TMEM266: variants seen among roughly 807,000 people sequenced by gnomAD.
TMEM266 encodes the protein Hv1 related protein 1.
A neutral mutation model predicts 50.5 loss-of-function variants in TMEM266; 33 were observed. The ratio of observed to expected loss-of-function variants is 0.65; its 90% CI spans 0.50 to 0.87. The LOEUF is 0.87. Ranked by LOEUF, TMEM266 falls within the 40% of genes least tolerant of loss-of-function variation. The pLI, the probability that TMEM266 is intolerant of heterozygous loss-of-function variation, is 0.00. For missense variants in TMEM266, 655 were observed against 695.1 expected, an observed-to-expected ratio of 0.94 and a Z score of 0.65; for synonymous variants, 310 against 292.3, an observed-to-expected ratio of 1.06 and a Z score of -0.62.
intron 8 of TMEM266, among the ~76,000 whole-genome samples, chr15:76,177,171 T>C (rs1236067307): frequency 6.6e-6 from 1 of 152,212 alleles, no homozygotes; most frequent in Non-Finnish European, 1.5e-5. Context: ...ACTGCCATGG[T>C]CAGTGCTCCT....
rs957805544 is a variant in TMEM266 at position 76,163,514 on chromosome 15, C to T, written c.456+3346C>T. Among the ~76,000 whole-genome samples the T allele has an allele frequency of 2.6e-5, 4 of 152,336 alleles. No individual in the cohort carries two copies. The East Asian group carries it at 7.7e-4, about 29-fold the overall frequency. On this transcript the variant is annotated intron_variant, in intron 5 of 10. Coordinates refer to ENST00000388942, the MANE Select transcript of TMEM266 (RefSeq NM_152335.3). ...CAGGGTCACTGCGCTTCACGTGGCCCTGCAGCACCAAGAATATGCAGGGCC... is the reference window on the plus strand; with the variant it reads ...CAGGGTCACTGCGCTTCACGTGGCCTTGCAGCACCAAGAATATGCAGGGCC...
chr15:76,094,862 T>C (rs987149359), intron 1 of TMEM266, among the ~76,000 whole-genome samples: 1 of 152,052 alleles, frequency 6.6e-6, no homozygotes, highest in Non-Finnish European at 1.5e-5. Context: ...CTAGGTATTT[T>C]ATTCTCTTTT....
At chr15:76,178,043 G>T (rs2038322573) in intron 8 of TMEM266, among the ~76,000 whole-genome samples, 1 of 152,204 alleles carries the variant, frequency 6.6e-6, no homozygotes, top group South Asian at 2.1e-4. Context: ...GTGCCCCCGG[G>T]GTTCGGGGCC....
At chr15:76,086,053 G>GA (rs567541549) in intron 1 of TMEM266, among the ~76,000 whole-genome samples, 38,869 of 110,300 alleles carry the variant, frequency 0.35, 5,275 homozygotes, top group African/African-American at 0.41. Context: ...CATTTCAAAA[G>GA]AAAAAAAAAA....
chr15:76,108,232 G>GTGGC (rs1380837771), intron 1 of TMEM266, among the ~76,000 whole-genome samples: 1 of 152,236 alleles, frequency 6.6e-6, no homozygotes, highest in East Asian at 1.9e-4. Flanking sequence ...CCTGCAGCCA[G>GTGGC]TGGCTGCCTG....
At chr15:76,117,429 G>T (rs544759249) in intron 1 of TMEM266, among the ~76,000 whole-genome samples, 21 of 152,064 alleles carry the variant, frequency 1.4e-4, no homozygotes, top group Non-Finnish European at 2.4e-4. Flanking sequence ...ACTGGGCTCC[G>T]ACTAAGAGAC....
rs146269605 is a variant in TMEM266, at chr15:76,179,936, A to G, written c.768+4262A>G. ...ACCACTGCACTCCAGCCTGGGCCACAGAGCAAGACTGTCTCTAAAACAAAA... is the reference window on the plus strand; with the variant it reads ...ACCACTGCACTCCAGCCTGGGCCACGGAGCAAGACTGTCTCTAAAACAAAA... On this transcript the variant is annotated intron_variant, in intron 8 of 10. Transcript: ENST00000388942. Among the ~76,000 whole-genome samples the G allele has an allele frequency of 5.4e-3, 827 of 152,204 alleles. 8 individuals are homozygous for G. Among genetic ancestry groups the G allele is most frequent in the African/African-American group, 0.018 (764 of 41,466 alleles).
At chr15:76,157,120 G>A (rs753770455) in intron 4 of TMEM266, among the ~76,000 whole-genome samples, 11 of 152,136 alleles carry the variant, frequency 7.2e-5, no homozygotes, top group Non-Finnish European at 1.3e-4. Context: ...GTAGTCTAAA[G>A]AGAGTTCCCA....
chr15:76,083,366 T>A (rs2036724897), intron 1 of TMEM266, among the ~76,000 whole-genome samples: 1 of 151,632 alleles, frequency 6.6e-6, no homozygotes, highest in Non-Finnish European at 1.5e-5. Flanking sequence ...TCGAGCAAGG[T>A]AATGACCAAA....
intron 9 of TMEM266, among the ~76,000 whole-genome samples, chr15:76,198,533 G>A (rs919971703): frequency 2.6e-5 from 4 of 152,210 alleles, no homozygotes; most frequent in East Asian, 1.9e-4. Flanking sequence ...GAACCAGGGT[G>A]GGCAGTGAGA....
intron 4 of TMEM266, among the ~76,000 whole-genome samples, chr15:76,159,871 C>T (rs1018131415): frequency 2.6e-5 from 4 of 151,958 alleles, no homozygotes; most frequent in African/African-American, 7.3e-5. Context: ...TCCCTTGCGT[C>T]GGAGGCAAGA....
chr15:76,203,954 GCA>G lies in TMEM266; in HGVS notation c.1237_1238del (p.Thr413CysfsTer8). 6.2e-7 allele frequency: 1 copy of G among 1,613,140 alleles called. No individual in the cohort carries two copies. The highest frequency in any genetic ancestry group is 8.5e-7 in the Non-Finnish European group (1 of 1,179,446). ...ACGCTGGGCTCCTCCATGGACTGCAGCACTGCCCGCGAGGAGCCGTCCTCTGA... is the reference window on the plus strand; with the variant it reads ...ACGCTGGGCTCCTCCATGGACTGCAGCTGCCCGCGAGGAGCCGTCCTCTGA... On this transcript the variant is annotated frameshift_variant, in exon 11 of 11. Coordinates refer to ENST00000388942, the MANE Select transcript of TMEM266 (RefSeq NM_152335.3). LOFTEE classifies it high-confidence loss of function.
At chr15:76,121,535 G>A (rs1231302085) in intron 1 of TMEM266, among the ~76,000 whole-genome samples, 1 of 152,084 alleles carries the variant, frequency 6.6e-6, no homozygotes, top group Non-Finnish European at 1.5e-5. Flanking sequence ...TCCTGCCTCA[G>A]CCTCCTGAGT....
At chr15:76,107,259 G>A (rs2142008330) in intron 1 of TMEM266, among the ~76,000 whole-genome samples, 1 of 152,178 alleles carries the variant, frequency 6.6e-6, no homozygotes, top group African/African-American at 2.4e-5. Flanking sequence ...TTCATACGAG[G>A]TTTTCAGTTT....
At chr15:76,165,537 G>A (rs1425113204) in intron 5 of TMEM266, among the ~76,000 whole-genome samples, 1 of 152,234 alleles carries the variant, frequency 6.6e-6, no homozygotes, top group African/African-American at 2.4e-5. Flanking sequence ...GGCTGAAGCT[G>A]GGGATTCCAG....
intron 1 of TMEM266, among the ~76,000 whole-genome samples, chr15:76,101,930 A>T (rs552546662): frequency 6.6e-6 from 1 of 152,330 alleles, no homozygotes; most frequent in East Asian, 1.9e-4. Context: ...CCAGCTATGC[A>T]TGGCAAACAG....
chr15:76,159,868 C>G (rs77038201), intron 4 of TMEM266, among the ~76,000 whole-genome samples: 1 of 151,964 alleles, frequency 6.6e-6, no homozygotes, highest in Non-Finnish European at 1.5e-5. Context: ...CAGTCCCTTG[C>G]GTCGGAGGCA....
chr15:76,120,029 G>T (rs574814330), intron 1 of TMEM266, among the ~76,000 whole-genome samples: 1 of 152,146 alleles, frequency 6.6e-6, no homozygotes, highest in African/African-American at 2.4e-5. Context: ...TTCCTACTTT[G>T]CTGTGAAGTG....
rs1206275315 is a variant in TMEM266 at position 76,139,281 on chromosome 15, C to T, written c.227+1386C>T. 8.5e-5 allele frequency among the ~76,000 whole-genome samples: 13 copies of T among 152,210 alleles called. No individual in the cohort carries two copies. Among genetic ancestry groups the T allele is most frequent in the African/African-American group, 2.7e-4 (11 of 41,450 alleles). ...CACACCTTTTTTTGCAGAAACTACA[C>T]CCCAGTGGCTTTCTCTGAAAATATA... On this transcript the variant is annotated intron_variant, in intron 3 of 10. Transcript: ENST00000388942. This position sits in a 1 kb window ranked among gnomAD's most constrained non-coding sequence, Gnocchi z 4.1.
Sources: allele counts gnomAD v4.1 joint callset (sites outside exome capture counted in the v4.1 genomes callset), GRCh38; gene constraint gnomAD v4.1.1; non-coding constraint Gnocchi (gnomAD v3.1); transcripts MANE v1.5; gene names NCBI Gene and HGNC (gene_info 2026-07-23, HGNC 2026-07-21).